CSMD1: variants seen among roughly 807,000 people sequenced by gnomAD.
CSMD1 encodes the protein CUB and Sushi multiple domains 1.
A neutral mutation model predicts 417.5 loss-of-function variants in CSMD1; 213 were observed. The observed-to-expected ratio is 0.51, with a 90% CI of 0.46 to 0.57. CSMD1 has a LOEUF of 0.57. Ranked by LOEUF, CSMD1 falls within the 20% of genes least tolerant of loss-of-function variation. The probability of loss-of-function intolerance (pLI) is 0.00; values close to 1 mark genes in which losing one functional copy is unlikely to be tolerated. For synonymous variants in CSMD1, 2,862 were observed against 1,736.8 expected (o/e 1.65, Z -16.11); for missense variants, 6,923 against 4,529.7 (o/e 1.53, Z -15.17).
At chr8:3,996,210 C>A (rs1815201205) in intron 5 of CSMD1, among the ~76,000 whole-genome samples, 1 of 152,154 alleles carries the variant, frequency 6.6e-6, no homozygotes, top group Non-Finnish European at 1.5e-5. Context: ...AACCTGACAT[C>A]TTACTAGCAA....
chr8:4,048,089 A>C (rs1299900494), intron 3 of CSMD1, among the ~76,000 whole-genome samples: 4 of 152,178 alleles, frequency 2.6e-5, no homozygotes, highest in Non-Finnish European at 5.9e-5. Context: ...CTAATTGATA[A>C]GTATCTCAGG....
At chr8:4,595,387 C>CTTTTTTTTTTTTTTTTTCTTTTTTTTT in intron 2 of CSMD1, among the ~76,000 whole-genome samples, 3 of 147,438 alleles carry the variant, frequency 2.0e-5, no homozygotes, top group South Asian at 4.4e-4. Flanking sequence ...CATTCATTTT[C>CTTTTTTTTTTTTTTTTTCTTTTTTTTT]ATTCCATCCA....
At chr8:2,948,670 T>A (rs1802417664) in intron 68 of CSMD1, among the ~76,000 whole-genome samples, 1 of 152,144 alleles carries the variant, frequency 6.6e-6, no homozygotes, top group Admixed American at 6.6e-5. Context: ...GTTCCACTAC[T>A]AAAACAATCC....
At chr8:3,438,089 A>G (rs1814694335) in intron 12 of CSMD1, among the ~76,000 whole-genome samples, 1 of 152,220 alleles carries the variant, frequency 6.6e-6, no homozygotes, top group Admixed American at 6.5e-5. Flanking sequence ...AAAGCTTCAG[A>G]CTTAGCTATT....
chr8:3,148,135 GGTGTTAATAGGAAGCAACAT>G (rs1489256712), intron 40 of CSMD1, among the ~76,000 whole-genome samples: 1 of 152,116 alleles, frequency 6.6e-6, no homozygotes, highest in East Asian at 1.9e-4. Flanking sequence ...TTATGGTTTG[GGTGTTAATAGGAAGCAACAT>G]GAGAGATCAA....
chr8:4,136,453 T>C (rs1209811404), intron 3 of CSMD1, among the ~76,000 whole-genome samples: 7 of 152,138 alleles, frequency 4.6e-5, no homozygotes, highest in Non-Finnish European at 1.0e-4. Context: ...TTTTGAAAAA[T>C]GCCTCTGTGT....
chr8:4,169,145 G>A (rs898720133), intron 3 of CSMD1, among the ~76,000 whole-genome samples: 2 of 152,138 alleles, frequency 1.3e-5, no homozygotes, highest in African/African-American at 4.8e-5. Context: ...GTGATGCCCA[G>A]CTTAATGGTG....
At chr8:4,968,811 T>C (rs1810050483) in intron 1 of CSMD1, among the ~76,000 whole-genome samples, 1 of 152,138 alleles carries the variant, frequency 6.6e-6, no homozygotes, top group Non-Finnish European at 1.5e-5. Flanking sequence ...CAGTTGCATC[T>C]CTTCTGCCAT....
chr8:3,142,190 G>A (rs999495029), intron 41 of CSMD1, among the ~76,000 whole-genome samples: 2 of 152,288 alleles, frequency 1.3e-5, no homozygotes, highest in Admixed American at 1.3e-4. Context: ...CTGGCTCTGC[G>A]TGAATTACTC....
At chr8:4,260,143 CA>C (rs1803770243) in intron 3 of CSMD1, among the ~76,000 whole-genome samples, 1 of 152,112 alleles carries the variant, frequency 6.6e-6, no homozygotes, top group Non-Finnish European at 1.5e-5. Flanking sequence ...ACCTGATCTA[CA>C]GTGGCTAAGT....
intron 37 of CSMD1, among the ~76,000 whole-genome samples, chr8:3,180,169 C>T (rs945064196): frequency 1.3e-5 from 2 of 152,182 alleles, no homozygotes; most frequent in Admixed American, 6.5e-5. Context: ...ATTGGAAATT[C>T]TTATTTCGCT....
At chr8:3,908,026 G>T (rs1024036479) in intron 5 of CSMD1, among the ~76,000 whole-genome samples, 1 of 152,058 alleles carries the variant, frequency 6.6e-6, no homozygotes, top group Non-Finnish European at 1.5e-5. Context: ...CTACCAGGAG[G>T]ACTCCATAGG....
chr8:4,232,313 C>G (rs1341765890), intron 3 of CSMD1, among the ~76,000 whole-genome samples: 2 of 152,132 alleles, frequency 1.3e-5, no homozygotes, highest in East Asian at 3.9e-4. Flanking sequence ...ATTCTCCTGT[C>G]TCAGCCTCCC....
chr8:4,408,507 G>A (rs534958355), intron 3 of CSMD1, among the ~76,000 whole-genome samples: 14 of 152,204 alleles, frequency 9.2e-5, no homozygotes, highest in African/African-American at 3.4e-4. Context: ...TTTATCTCAA[G>A]CTTCTAAACA....
chr8:3,549,924 T>C (rs1193591561), intron 10 of CSMD1, among the ~76,000 whole-genome samples: 1 of 152,226 alleles, frequency 6.6e-6, no homozygotes, highest in Non-Finnish European at 1.5e-5. Context: ...GCAGATTTAT[T>C]GAAAGAAAAT....
At chr8:4,358,376 A>G (rs1209660018) in intron 3 of CSMD1, among the ~76,000 whole-genome samples, 2 of 152,214 alleles carry the variant, frequency 1.3e-5, no homozygotes, top group Non-Finnish European at 2.9e-5. Context: ...TAATGGTTGA[A>G]AAGAAAAAGA....
intron 3 of CSMD1, among the ~76,000 whole-genome samples, chr8:4,167,182 A>T (rs2131120430): frequency 6.6e-6 from 1 of 152,260 alleles, no homozygotes; most frequent in Admixed American, 6.5e-5. Flanking sequence ...AAACCAGATA[A>T]TTTTTTCCAG....
At position 4,627,001 on chromosome 8, in the gene CSMD1, T is replaced by C. The variant is rs533342446; in HGVS notation, c.302+10341A>G. Among the ~76,000 whole-genome samples, 36 of 152,332 alleles carry C rather than the reference T, an allele frequency of 2.4e-4. No individual in the cohort carries two copies. In the South Asian group the frequency reaches 6.6e-3, roughly 28 times the overall value. On this transcript the variant is annotated intron_variant, in intron 2 of 69. Coordinates refer to ENST00000635120, the MANE Select transcript of CSMD1 (RefSeq NM_033225.6). Reference sequence around the variant, plus strand: ...GTATTTATTGTGGTAAAGCAAGTAATTGCTTCATACTCTAAGTAATATTAT... The same window carrying C: ...GTATTTATTGTGGTAAAGCAAGTAACTGCTTCATACTCTAAGTAATATTAT...
chr8:4,070,376 G>A (rs140799026), intron 3 of CSMD1, among the ~76,000 whole-genome samples: 1 of 151,992 alleles, frequency 6.6e-6, no homozygotes, highest in Non-Finnish European at 1.5e-5. Context: ...ATAATGTTTT[G>A]AGACAGAGTC....
Sources: gnomAD v4.1 joint callset for allele counts (sites outside exome capture counted in the v4.1 genomes callset) on GRCh38, gnomAD v4.1.1 for gene constraint, MANE v1.5 for transcripts, NCBI Gene and HGNC (gene_info 2026-07-23, HGNC 2026-07-21) for gene names.